The following NKAIN3 variants were observed in gnomAD, a reference collection of about 807,000 sequenced individuals.
NKAIN3 encodes sodium/potassium transporting ATPase interacting 3, also known as sodium/potassium-transporting ATPase subunit beta-1-interacting protein 3.
In NKAIN3, 25 loss-of-function variants were observed where a neutral mutation model predicts 30.2. The observed-to-expected ratio is 0.83, with a 90% CI of 0.60 to 1.16. NKAIN3 has a LOEUF of 1.16. NKAIN3 is among the 50% of genes most tolerant of loss of function. The pLI is 0.00. For missense variants in NKAIN3, 225 were observed against 254.1 expected, an observed-to-expected ratio of 0.89 and a Z score of 0.78; for synonymous variants, 91 against 89.6, an observed-to-expected ratio of 1.02 and a Z score of -0.09.
At chr8:62,784,549 A>G (rs1817457449) in intron 4 of NKAIN3, among the ~76,000 whole-genome samples, 2 of 152,080 alleles carry the variant, frequency 1.3e-5, no homozygotes, top group Admixed American at 1.3e-4. Context: ...TGGACAAATT[A>G]CCAAAACTGA....
chr8:62,366,936 T>C (rs1563367130), intron 1 of NKAIN3, among the ~76,000 whole-genome samples: 1 of 152,164 alleles, frequency 6.6e-6, no homozygotes, highest in Non-Finnish European at 1.5e-5. Flanking sequence ...TTTCTTTCAA[T>C]TTATTTTTTG....
chr8:62,737,721 T>G (rs1586146134), intron 3 of NKAIN3, among the ~76,000 whole-genome samples: 1 of 152,188 alleles, frequency 6.6e-6, no homozygotes, highest in East Asian at 1.9e-4. Context: ...CTTTATTTTT[T>G]TAGTCAGAAT....
intron 1 of NKAIN3, among the ~76,000 whole-genome samples, chr8:62,414,963 G>C (rs1446208628): frequency 1.3e-5 from 2 of 149,768 alleles, no homozygotes; most frequent in African/African-American, 4.9e-5. Context: ...TGTATTTTGA[G>C]TTGAATCTCA....
rs1823916365 is a variant in NKAIN3, at chr8:62,975,224, C to T, written c.*9817C>T. Among the ~76,000 whole-genome samples, 1 of 152,070 alleles carries T rather than the reference C, an allele frequency of 6.6e-6. No homozygotes were observed. The highest frequency in any genetic ancestry group is 1.5e-5 in the Non-Finnish European group (1 of 68,006). Reference sequence around the variant, plus strand: ...TCTTTTCTACTGTTTGGAATAGTTTCAGAAGGAATGGTACCAGCTCCTCTT... The same window carrying T: ...TCTTTTCTACTGTTTGGAATAGTTTTAGAAGGAATGGTACCAGCTCCTCTT... On this transcript the variant is annotated 3_prime_UTR_variant, in exon 7 of 7. Transcript: ENST00000623646.
intron 5 of NKAIN3, among the ~76,000 whole-genome samples, chr8:62,996,921 AG>A (rs1438118258): frequency 1.3e-5 from 2 of 151,976 alleles, no homozygotes; most frequent in Non-Finnish European, 2.9e-5. Flanking sequence ...CTGCTTTCAC[AG>A]GCTGGTGTGG....
At chr8:62,814,274 C>T (rs554732430) in intron 4 of NKAIN3, among the ~76,000 whole-genome samples, 1 of 151,648 alleles carries the variant, frequency 6.6e-6, no homozygotes, top group African/African-American at 2.4e-5. Flanking sequence ...TTTCATAAGG[C>T]AAACATTCTT....
At chr8:62,990,959 G>A (rs1032272650) in intron 5 of NKAIN3, 11 of 152,216 alleles carry the variant, frequency 7.2e-5, no homozygotes, top group African/African-American at 2.4e-4. Context: ...ACCTTCAATA[G>A]GGTGGCCAGA....
chr8:62,756,981 T>G (rs185232694), intron 4 of NKAIN3, among the ~76,000 whole-genome samples: 17 of 152,312 alleles, frequency 1.1e-4, no homozygotes, highest in African/African-American at 3.6e-4. Flanking sequence ...GATTATTAAA[T>G]GCAAACATGA....
intron 4 of NKAIN3, among the ~76,000 whole-genome samples, chr8:62,803,384 T>C (rs544666142): frequency 6.6e-6 from 1 of 152,062 alleles, no homozygotes; most frequent in East Asian, 1.9e-4. Context: ...CCTCAGCAAA[T>C]GTAAAAAAAC....
At chr8:62,815,368 T>C (rs1266187859) in intron 4 of NKAIN3, among the ~76,000 whole-genome samples, 1 of 152,182 alleles carries the variant, frequency 6.6e-6, no homozygotes, top group East Asian at 1.9e-4. Flanking sequence ...TAACTCATTT[T>C]ATGAGGCCAG....
At chr8:62,464,652 C>T (rs188722504) in intron 1 of NKAIN3, among the ~76,000 whole-genome samples, 112 of 152,184 alleles carry the variant, frequency 7.4e-4, no homozygotes, top group African/African-American at 2.5e-3. Context: ...AAAAGTCTCC[C>T]GTGATGGGTC....
intron 4 of NKAIN3, among the ~76,000 whole-genome samples, chr8:62,760,257 C>T (rs1485854660): frequency 2.0e-5 from 3 of 152,056 alleles, no homozygotes; most frequent in Non-Finnish European, 2.9e-5. Context: ...ACCATTTGAC[C>T]CAGCAATCCC....
chr8:62,904,071 C>A (rs1199021824), intron 4 of NKAIN3, among the ~76,000 whole-genome samples: 2 of 152,196 alleles, frequency 1.3e-5, no homozygotes, highest in African/African-American at 2.4e-5. Context: ...GAGCCCTCAA[C>A]CCCTTAGAAG....
intron 1 of NKAIN3, among the ~76,000 whole-genome samples, chr8:62,302,039 G>T (rs908618019): frequency 4.6e-5 from 7 of 152,022 alleles, no homozygotes; most frequent in African/African-American, 1.7e-4. Flanking sequence ...TAATCTGAGT[G>T]TTCTCACTTC....
chr8:62,315,609 C>T, intron 1 of NKAIN3, among the ~76,000 whole-genome samples: 1 of 152,104 alleles, frequency 6.6e-6, no homozygotes, highest in East Asian at 1.9e-4. Flanking sequence ...GGGATGTGGC[C>T]ATCTTGATCT....
chr8:62,286,765 G>A (rs1165060714), intron 1 of NKAIN3, among the ~76,000 whole-genome samples: 1 of 152,044 alleles, frequency 6.6e-6, no homozygotes, highest in Non-Finnish European at 1.5e-5. Flanking sequence ...TTCTTTGCCT[G>A]GACAGAAGCC....
At chr8:62,439,374 G>A (rs907633969) in intron 1 of NKAIN3, among the ~76,000 whole-genome samples, 7 of 152,170 alleles carry the variant, frequency 4.6e-5, no homozygotes, top group Non-Finnish European at 7.3e-5. Context: ...CAGTTTCTCT[G>A]CTAGCATAAT....
At chr8:62,451,221 T>C (rs1183202349) in intron 1 of NKAIN3, among the ~76,000 whole-genome samples, 2 of 151,826 alleles carry the variant, frequency 1.3e-5, no homozygotes, top group Non-Finnish European at 2.9e-5. Context: ...TTCTCTTCTC[T>C]TCTCTTTTCT....
chr8:62,808,213 A>G (rs1818367074), intron 4 of NKAIN3, among the ~76,000 whole-genome samples: 1 of 152,186 alleles, frequency 6.6e-6, no homozygotes, highest in Non-Finnish European at 1.5e-5. Flanking sequence ...CTATTCTAAC[A>G]TACTACTTTG....
Sources: allele counts gnomAD v4.1 joint callset (sites outside exome capture counted in the v4.1 genomes callset), GRCh38; gene constraint gnomAD v4.1.1; transcripts MANE v1.5; gene names NCBI Gene and HGNC (gene_info 2026-07-23, HGNC 2026-07-21).